BCL2: variants seen among roughly 807,000 people sequenced by gnomAD.
BCL2 encodes BCL2 apoptosis regulator.
Under a neutral mutation model 14.2 loss-of-function variants are expected in BCL2, and 1 was observed. The observed-to-expected ratio is 0.07, with a 90% CI of 0.02 to 0.33. The LOEUF is 0.33. Ranked by LOEUF, BCL2 falls within the 10% of genes least tolerant of loss-of-function variation. BCL2 has a pLI of 0.99. For missense variants in BCL2, 247 were observed against 305.9 expected (o/e 0.81, Z 1.44); for synonymous variants, 151 against 137.2 (o/e 1.10, Z -0.70).
intron 2 of BCL2, among the ~76,000 whole-genome samples, chr18:63,296,682 C>T (rs1260669550): frequency 2.0e-5 from 3 of 152,276 alleles, no homozygotes; most frequent in Admixed American, 6.5e-5. Context: ...TCAGTATGCT[C>T]ACCTGTAAAA....
intron 2 of BCL2, among the ~76,000 whole-genome samples, chr18:63,241,759 G>A (rs1182516319): frequency 6.6e-6 from 1 of 152,216 alleles, no homozygotes; most frequent in African/African-American, 2.4e-5. Flanking sequence ...GTAACTACGA[G>A]AATCTGATGA....
At chr18:63,162,530 C>T (rs115422589) in intron 2 of BCL2, among the ~76,000 whole-genome samples, 1,627 of 152,228 alleles carry the variant, frequency 0.011, 24 homozygotes, top group African/African-American at 0.037. Flanking sequence ...CAGGCAGGCA[C>T]GCGGGTGACA....
At chr18:63,274,483 C>T (rs1171737763) in intron 2 of BCL2, among the ~76,000 whole-genome samples, 1 of 151,932 alleles carries the variant, frequency 6.6e-6, no homozygotes, top group Non-Finnish European at 1.5e-5. Flanking sequence ...CAGGGTTTCA[C>T]CATGTTGGCC....
At chr18:63,290,102 G>T (rs1256219288) in intron 2 of BCL2, among the ~76,000 whole-genome samples, 1 of 152,078 alleles carries the variant, frequency 6.6e-6, no homozygotes, top group African/African-American at 2.4e-5. Flanking sequence ...TGCACCCTAG[G>T]TTTTGAGCCT....
upstream of BCL2, chr18:63,319,844 T>C: frequency 5.6e-6 from 1 of 179,238 alleles, no homozygotes; most frequent in Non-Finnish European, 1.2e-5. Context: ...TACGAAGTTC[T>C]CCCCCCTGGA....
At chr18:63,170,820 T>C (rs1568223369) in intron 2 of BCL2, among the ~76,000 whole-genome samples, 1 of 152,274 alleles carries the variant, frequency 6.6e-6, no homozygotes, top group African/African-American at 2.4e-5. Flanking sequence ...AGGCTTGTCA[T>C]GGACGGTCAC....
intron 2 of BCL2, among the ~76,000 whole-genome samples, chr18:63,309,924 A>T (rs1266640172): frequency 6.6e-6 from 1 of 151,946 alleles, no homozygotes; most frequent in Non-Finnish European, 1.5e-5. Flanking sequence ...GTGCAGTGAC[A>T]CGATCTCGGC....
chr18:63,276,724 C>T (rs909448297), intron 2 of BCL2, among the ~76,000 whole-genome samples: 1 of 152,210 alleles, frequency 6.6e-6, no homozygotes, highest in African/African-American at 2.4e-5. Flanking sequence ...ACATCTGCAG[C>T]CATCTGGATT....
intron 2 of BCL2, among the ~76,000 whole-genome samples, chr18:63,252,351 T>C (rs1173081476): frequency 6.6e-6 from 1 of 152,230 alleles, no homozygotes; most frequent in Non-Finnish European, 1.5e-5. Flanking sequence ...ACTTTCTGCA[T>C]ATGTCCTCAT....
At chr18:63,236,223 G>A (rs564099366) in intron 2 of BCL2, among the ~76,000 whole-genome samples, 1 of 152,320 alleles carries the variant, frequency 6.6e-6, no homozygotes, top group African/African-American at 2.4e-5. Context: ...ATGTGGAACT[G>A]TGAGTCCATT....
intron 2 of BCL2, among the ~76,000 whole-genome samples, chr18:63,164,523 A>G (rs1267027847): frequency 6.6e-6 from 1 of 152,230 alleles, no homozygotes; most frequent in Non-Finnish European, 1.5e-5. Flanking sequence ...TTTAGGGGGA[A>G]AGACTGGGAG....
At chr18:63,221,591 A>G (rs1302931100) in intron 2 of BCL2, among the ~76,000 whole-genome samples, 2 of 152,214 alleles carry the variant, frequency 1.3e-5, no homozygotes, top group African/African-American at 4.8e-5. Flanking sequence ...TAGTGGTGAG[A>G]TTCTAATGCC....
chr18:63,144,523 A>C (rs1425238797), intron 2 of BCL2, among the ~76,000 whole-genome samples: 1 of 152,066 alleles, frequency 6.6e-6, no homozygotes, highest in African/African-American at 2.4e-5. Flanking sequence ...AAGACATACA[A>C]GATCCAACTC....
chr18:63,176,341 CA>C (rs1915348348), intron 2 of BCL2, among the ~76,000 whole-genome samples: 1 of 152,198 alleles, frequency 6.6e-6, no homozygotes. Context: ...CCTAGGAGGC[CA>C]ATGTGGGTGG....
At chr18:63,313,557 C>T (rs551984292) in intron 2 of BCL2, among the ~76,000 whole-genome samples, 2 of 152,296 alleles carry the variant, frequency 1.3e-5, no homozygotes, top group Admixed American at 1.3e-4. Flanking sequence ...AAAAAGAAAA[C>T]GTTCTACTTG....
intron 2 of BCL2, among the ~76,000 whole-genome samples, chr18:63,268,570 G>T (rs897251670): frequency 2.6e-5 from 4 of 152,018 alleles, no homozygotes; most frequent in African/African-American, 9.7e-5. Flanking sequence ...CCTCCTTCTG[G>T]CTCTAAAATT....
intron 2 of BCL2, among the ~76,000 whole-genome samples, chr18:63,235,332 G>A (rs753104415): frequency 1.3e-5 from 2 of 152,146 alleles, no homozygotes; most frequent in Non-Finnish European, 2.9e-5. Context: ...CAGGCATGGT[G>A]TGCAAAGAAC....
intron 2 of BCL2, among the ~76,000 whole-genome samples, chr18:63,257,272 C>T (rs1340379256): frequency 6.6e-6 from 1 of 152,188 alleles, no homozygotes; most frequent in East Asian, 1.9e-4. Context: ...TGTGATCAAA[C>T]ATTTATAAGA....
chr18:63,264,808 A>G (rs1293492756), intron 2 of BCL2, among the ~76,000 whole-genome samples: 1 of 20,048 alleles, frequency 5.0e-5, no homozygotes, highest in Non-Finnish European at 1.1e-4. Flanking sequence ...TCCAGTCAAT[A>G]TGACACCCCA....
Sources: allele counts gnomAD v4.1 joint callset (sites outside exome capture counted in the v4.1 genomes callset), GRCh38; gene constraint gnomAD v4.1.1; transcripts MANE v1.5; gene names NCBI Gene and HGNC (gene_info 2026-07-23, HGNC 2026-07-21).